NRG1: variants seen among roughly 807,000 people sequenced by gnomAD.
NRG1 encodes the protein neuregulin 1.
Under a neutral mutation model 63.8 loss-of-function variants are expected in NRG1, and 18 were observed. The ratio of observed to expected loss-of-function variants is 0.28; its 90% CI spans 0.19 to 0.42. NRG1 has a LOEUF of 0.42. Among genes scored for constraint, NRG1 ranks in the 10% least tolerant of loss-of-function variants. The pLI, the probability that NRG1 is intolerant of heterozygous loss-of-function variation, is 1.00. For missense variants in NRG1, 762 were observed against 814.7 expected, an observed-to-expected ratio of 0.94 and a Z score of 0.79; for synonymous variants, 302 against 301.3, an observed-to-expected ratio of 1.00 and a Z score of -0.02.
chr8:32,553,390 A>G (rs1313403561), intron 1 of NRG1, among the ~76,000 whole-genome samples: 2 of 152,182 alleles, frequency 1.3e-5, no homozygotes, highest in Non-Finnish European at 2.9e-5. Flanking sequence ...GGTAAAAAAT[A>G]TCCAAAGCTG....
intron 1 of NRG1, among the ~76,000 whole-genome samples, chr8:32,019,145 C>T (rs925903158): frequency 6.6e-6 from 1 of 152,198 alleles, no homozygotes; most frequent in Non-Finnish European, 1.5e-5. Context: ...ATAACCCAGG[C>T]TGGAGTGCAG....
chr8:32,124,022 G>A (rs186045465), intron 1 of NRG1, among the ~76,000 whole-genome samples: 1 of 152,020 alleles, frequency 6.6e-6, no homozygotes, highest in Admixed American at 6.6e-5. Context: ...ATGAAGAGAA[G>A]TTGTATCATT....
chr8:32,144,129 A>G (rs946620549), intron 1 of NRG1, among the ~76,000 whole-genome samples: 3 of 152,196 alleles, frequency 2.0e-5, no homozygotes, highest in African/African-American at 7.2e-5. Context: ...CCCTTATCAC[A>G]CAGAGGCATC....
In NRG1 at chr8:31,834,451, A is replaced by G. The variant is rs189463514; in HGVS notation, c.37+195020A>G. Among the ~76,000 whole-genome samples, 12 of 152,338 alleles carry G rather than the reference A, an allele frequency of 7.9e-5. No homozygotes were observed. In the East Asian group the frequency reaches 2.1e-3, roughly 27 times the overall value. ...GCTGGGTGTAGTGGCTAATGCCTGT[A>G]ATCTCAGCAGTTTGGGAAGCTGAGG... On this transcript the variant is annotated intron_variant, in intron 1 of 10. Transcript: ENST00000519301.
At chr8:32,191,448 A>G (rs1842484886) in intron 1 of NRG1, among the ~76,000 whole-genome samples, 1 of 152,196 alleles carries the variant, frequency 6.6e-6, no homozygotes, top group Non-Finnish European at 1.5e-5. Context: ...TTGTCACCCT[A>G]CAATGAGTTT....
upstream of NRG1, chr8:32,548,107 G>A (rs1833301926): frequency 3.2e-6 from 2 of 628,178 alleles, no homozygotes; most frequent in Non-Finnish European, 4.0e-6. Flanking sequence ...CCCGGCCAGC[G>A]CGGGAGGAAA....
intron 1 of NRG1, among the ~76,000 whole-genome samples, chr8:32,524,729 C>T (rs996370363): frequency 6.6e-6 from 1 of 152,108 alleles, no homozygotes; most frequent in Admixed American, 6.5e-5. Context: ...AAATTTCTTA[C>T]TCCTGTCACC....
At chr8:31,657,461 T>C (rs1805540638) in intron 1 of NRG1, among the ~76,000 whole-genome samples, 1 of 152,166 alleles carries the variant, frequency 6.6e-6, no homozygotes, top group Admixed American at 6.5e-5. Flanking sequence ...GTAAAATGGG[T>C]TGCATATTAT....
intron 1 of NRG1, among the ~76,000 whole-genome samples, chr8:32,490,209 G>A (rs1437426550): frequency 6.6e-6 from 1 of 152,020 alleles, no homozygotes; most frequent in Non-Finnish European, 1.5e-5. Context: ...GGAGTCTGAG[G>A]TAGGAGGATT....
At chr8:32,733,283 A>G (rs945965542) in intron 6 of NRG1, among the ~76,000 whole-genome samples, 1 of 152,210 alleles carries the variant, frequency 6.6e-6, no homozygotes, top group Admixed American at 6.5e-5. Context: ...GATGGAAGGT[A>G]TCTGTAAACA....
At chr8:32,584,354 G>A (rs1010870175) in intron 1 of NRG1, among the ~76,000 whole-genome samples, 1 of 152,170 alleles carries the variant, frequency 6.6e-6, no homozygotes, top group African/African-American at 2.4e-5. Context: ...GAAGTAAAAT[G>A]ATAAGAATTC....
At chr8:31,824,096 C>G (rs571096635) in intron 1 of NRG1, among the ~76,000 whole-genome samples, 115 of 151,930 alleles carry the variant, frequency 7.6e-4, no homozygotes, top group Non-Finnish European at 1.4e-3. Flanking sequence ...TATACATGTG[C>G]CATGTTGGTG....
chr8:32,063,282 A>G (rs576704703), intron 1 of NRG1: 1 of 152,296 alleles, frequency 6.6e-6, no homozygotes, highest in Non-Finnish European at 1.5e-5. Flanking sequence ...CTCCATAAGA[A>G]AACAGCTGCA....
chr8:32,650,525 G>T (rs965086705), intron 5 of NRG1, among the ~76,000 whole-genome samples: 3 of 151,854 alleles, frequency 2.0e-5, no homozygotes, highest in Non-Finnish European at 2.9e-5. Context: ...TTTTTTGGGG[G>T]TGGGGAGAGG....
chr8:32,559,397 A>G (rs1353278742), intron 1 of NRG1, among the ~76,000 whole-genome samples: 1 of 152,186 alleles, frequency 6.6e-6, no homozygotes, highest in Non-Finnish European at 1.5e-5. Context: ...ATTTGTAACT[A>G]AAAGCCTCTT....
At chr8:32,275,556 A>G (rs1201857616) in intron 1 of NRG1, among the ~76,000 whole-genome samples, 1 of 152,110 alleles carries the variant, frequency 6.6e-6, no homozygotes, top group Admixed American at 6.6e-5. Context: ...TGAAAGAGCA[A>G]AATCCCTGGA....
chr8:31,984,274 T>G (rs564404369), intron 1 of NRG1, among the ~76,000 whole-genome samples: 1 of 152,106 alleles, frequency 6.6e-6, no homozygotes, highest in Admixed American at 6.6e-5. Context: ...CATGATACAA[T>G]CTTTTTTAAA....
intron 1 of NRG1, among the ~76,000 whole-genome samples, chr8:31,651,785 T>C (rs1804870312): frequency 6.7e-6 from 1 of 150,166 alleles, no homozygotes; most frequent in East Asian, 2.0e-4. Flanking sequence ...GCTAGGTCCA[T>C]TTTTTTTTTC....
intron 1 of NRG1, among the ~76,000 whole-genome samples, chr8:32,575,277 A>G (rs1245751164): frequency 2.0e-5 from 3 of 152,046 alleles, no homozygotes; most frequent in Non-Finnish European, 2.9e-5. Flanking sequence ...TGCATGTTTT[A>G]GCTCACTTCA....
Sources: allele counts gnomAD v4.1 joint callset (sites outside exome capture counted in the v4.1 genomes callset), GRCh38; gene constraint gnomAD v4.1.1; transcripts MANE v1.5; gene names NCBI Gene and HGNC (gene_info 2026-07-23, HGNC 2026-07-21).